MTRF1: variants seen among roughly 807,000 people sequenced by gnomAD.
The protein encoded by MTRF1 is mitochondrial translation release factor 1, also known as peptide chain release factor 1, mitochondrial.
MTRF1 carries 51 observed loss-of-function variants against 62.9 expected under a neutral mutation model. The observed-to-expected ratio is 0.81, with a 90% CI of 0.65 to 1.02. The LOEUF is 1.02. MTRF1 is among the 50% of genes least tolerant of loss of function. MTRF1 has a pLI of 0.00. For missense variants in MTRF1, 446 were observed against 530.0 expected (o/e 0.84, Z 1.56); for synonymous variants, 158 against 181.9 (o/e 0.87, Z 1.06).
chr13:41,223,229 T>A (rs375659670), intron 9 of MTRF1, 27 bp downstream of exon 9: 26 of 1,499,840 alleles, frequency 1.7e-5, no homozygotes, highest in Admixed American at 3.5e-5. Context: ...AAATCAAAGG[T>A]AGGCAAAGCA....
chr13:41,227,880 TTTAC>T (rs2034744671), intron 7 of MTRF1, among the ~76,000 whole-genome samples: 1 of 152,378 alleles, frequency 6.6e-6, no homozygotes, highest in Admixed American at 6.5e-5. Flanking sequence ...TCCTGACTGC[TTTAC>T]TGCAGCCATC....
chr13:41,245,605 T>G (rs2038138713), intron 5 of MTRF1, among the ~76,000 whole-genome samples: 1 of 152,218 alleles, frequency 6.6e-6, no homozygotes, highest in Non-Finnish European at 1.5e-5. Flanking sequence ...AGTCATATCT[T>G]TCTAATGTGC....
At chr13:41,273,140 C>G in the MTRF1 span, among the ~76,000 whole-genome samples, 1 of 151,952 alleles carries the variant, frequency 6.6e-6, no homozygotes, top group Non-Finnish European at 1.5e-5. Context: ...TCCTAGCTAA[C>G]ACAGTGAAAC....
At chr13:41,262,302 T>G (rs990189433) in intron 1 of MTRF1, 5 of 134,184 alleles carry the variant, frequency 3.7e-5, no homozygotes, top group Non-Finnish European at 6.1e-5. Flanking sequence ...ATCGCACCAC[T>G]GCAACCAGCG....
rs764542552 is a variant in MTRF1, at chr13:41,254,621, C to T, written c.416-1G>A. 4.4e-6 allele frequency: 7 copies of T among 1,608,860 alleles called. No homozygotes were observed. The highest frequency in any genetic ancestry group is 5.1e-6 in the Non-Finnish European group (6 of 1,176,352). On this transcript the variant is annotated splice_acceptor_variant, in intron 2 of 9. Transcript: ENST00000379480. LOFTEE classifies it high-confidence loss of function. ...TGCTTTTCATCTTGTTTATTTAGGC[C>T]TAAAAGCCAGAAACAGAAATAATGA...
the MTRF1 span, among the ~76,000 whole-genome samples, chr13:41,282,727 TG>T: frequency 6.6e-6 from 1 of 152,302 alleles, no homozygotes; most frequent in East Asian, 1.9e-4. Context: ...AGAGAGCATA[TG>T]GGGATATTTG....
chr13:41,269,622 T>C, the MTRF1 span, among the ~76,000 whole-genome samples: 186 of 152,188 alleles, frequency 1.2e-3, 3 homozygotes, highest in Non-Finnish European at 1.3e-3. Context: ...TGTTAGAAAA[T>C]ACCCAAATAA....
intron 5 of MTRF1, among the ~76,000 whole-genome samples, chr13:41,248,586 C>G (rs1311019647): frequency 6.6e-6 from 1 of 152,166 alleles, no homozygotes; most frequent in Non-Finnish European, 1.5e-5. Context: ...TATGGTCTGA[C>G]CTACAGAGAA....
the MTRF1 span, among the ~76,000 whole-genome samples, chr13:41,281,006 A>T: frequency 6.6e-6 from 1 of 152,208 alleles, no homozygotes; most frequent in East Asian, 1.9e-4. Context: ...TACAATCATT[A>T]TAGCAGTATA....
the MTRF1 span, among the ~76,000 whole-genome samples, chr13:41,288,685 TAGTG>T: frequency 2.6e-5 from 4 of 152,224 alleles, no homozygotes; most frequent in Non-Finnish European, 5.9e-5. Context: ...TACATCATTT[TAGTG>T]AGTATTTTTC....
chr13:41,277,252 C>T, the MTRF1 span, among the ~76,000 whole-genome samples: 3 of 152,118 alleles, frequency 2.0e-5, no homozygotes, highest in Non-Finnish European at 1.5e-5. Context: ...CCACCTCAGC[C>T]TCCTGAGTAG....
chr13:41,309,928 G>A, the MTRF1 span, among the ~76,000 whole-genome samples: 1 of 152,102 alleles, frequency 6.6e-6, no homozygotes, highest in Non-Finnish European at 1.5e-5. Flanking sequence ...CCTGGGAGGC[G>A]GAGGTTACAG....
At chr13:41,274,154 C>T in the MTRF1 span, among the ~76,000 whole-genome samples, 1 of 152,154 alleles carries the variant, frequency 6.6e-6, no homozygotes, top group Non-Finnish European at 1.5e-5. Flanking sequence ...TTCACAGGAA[C>T]AATGGGAATA....
chr13:41,306,363 C>A, the MTRF1 span, among the ~76,000 whole-genome samples: 1 of 148,234 alleles, frequency 6.7e-6, no homozygotes, highest in Non-Finnish European at 1.5e-5. Context: ...CAGCCTGGGA[C>A]ACGGAGTGAG....
intron 7 of MTRF1, among the ~76,000 whole-genome samples, chr13:41,231,229 C>A (rs2035501223): frequency 6.6e-6 from 1 of 152,210 alleles, no homozygotes; most frequent in Non-Finnish European, 1.5e-5. Context: ...TGACCAGAAA[C>A]TGGCCACTTT....
chr13:41,252,794 G>A lies in MTRF1; in HGVS notation c.590-42C>T, dbSNP rs371417514. 981 of 1,557,480 alleles carry A rather than the reference G, an allele frequency of 6.3e-4. 2 individuals carry two copies. Among genetic ancestry groups the A allele is most frequent in the South Asian group, 2.3e-3 (209 of 89,262 alleles). ...AAAATATTTAGTCAGGACAAATTTC[G>A]GAAAGCCACCCTTAAGACTAAGTCC... On this transcript the variant is annotated intron_variant, in intron 4 of 9. Coordinates refer to ENST00000379480, the MANE Select transcript of MTRF1 (RefSeq NM_004294.4).
At chr13:41,309,621 C>T in the MTRF1 span, among the ~76,000 whole-genome samples, 1 of 152,030 alleles carries the variant, frequency 6.6e-6, no homozygotes, top group African/African-American at 2.4e-5. Context: ...GCTTTAAAAT[C>T]ATGTGTGAAA....
intron 6 of MTRF1, among the ~76,000 whole-genome samples, chr13:41,238,031 A>T (rs1248140252): frequency 6.6e-6 from 1 of 152,198 alleles, no homozygotes; most frequent in African/African-American, 2.4e-5. Flanking sequence ...CTGTAATGTT[A>T]AATTTGAATT....
At position 41,258,563 on chromosome 13, in the gene MTRF1, TA is replaced by T. The variant is rs1180583583; in HGVS notation, c.415+1929del. Among the ~76,000 whole-genome samples, 462 of 70,510 alleles carry T rather than the reference TA, an allele frequency of 6.6e-3. 3 individuals are homozygous for T. Among genetic ancestry groups the T allele is most frequent in the East Asian group, 0.026 (84 of 3,212 alleles). 46.3% of individuals were successfully genotyped at this position (70,510 alleles called of 152,430 possible). A position where few individuals can be genotyped will look rare whatever the true frequency, so the allele number is the denominator to read the frequency against. The stretch of plus-strand genomic sequence containing the variant: ...GGAGTTTGAGTGAGGGACCATCTCT[TA>T]AAAAAAAAAACAAAAAAAAAAAACA... On this transcript the variant is annotated intron_variant, in intron 2 of 9. Coordinates refer to ENST00000379480, the MANE Select transcript of MTRF1 (RefSeq NM_004294.4).
Sources: gnomAD v4.1 joint callset for allele counts (sites outside exome capture counted in the v4.1 genomes callset) on GRCh38, gnomAD v4.1.1 for gene constraint, MANE v1.5 for transcripts, NCBI Gene and HGNC (gene_info 2026-07-23, HGNC 2026-07-21) for gene names.